The following CUBN variants were observed in gnomAD, a reference collection of about 807,000 sequenced individuals.
The protein encoded by CUBN is cubilin.
A neutral mutation model predicts 405.3 loss-of-function variants in CUBN; 282 were observed. The ratio of observed to expected loss-of-function variants is 0.70; its 90% CI spans 0.63 to 0.77. The LOEUF is 0.77. Ranked by LOEUF, CUBN falls within the 30% of genes least tolerant of loss-of-function variation. CUBN has a pLI of 0.00. For missense variants in CUBN, 4,514 were observed against 4,475.2 expected (o/e 1.01, Z -0.25); for synonymous variants, 1,684 against 1,617.0 (o/e 1.04, Z -0.99).
At position 16,910,241 on chromosome 10, in the gene CUBN, T is replaced by C. The variant is rs187327521; in HGVS notation, c.7534-2562A>G. The stretch of plus-strand genomic sequence containing the variant: ...TTCTCCCTCTTCTTCTTCTCCCTCT[T>C]CTCCTCCTCCTTCTCCTTCTCTTTC... On this transcript the variant is annotated intron_variant, in intron 48 of 66. Coordinates refer to ENST00000377833, the MANE Select transcript of CUBN (RefSeq NM_001081.4). 1.7e-3 allele frequency among the ~76,000 whole-genome samples: 260 copies of C among 151,916 alleles called. 1 individual carries two copies. Among genetic ancestry groups the C allele is most frequent in the Non-Finnish European group, 2.9e-3 (200 of 67,936 alleles).
intron 14 of CUBN, among the ~76,000 whole-genome samples, chr10:17,093,282 C>T (rs1836303698): frequency 6.6e-6 from 1 of 152,126 alleles, no homozygotes; most frequent in Non-Finnish European, 1.5e-5. Flanking sequence ...GTCTAACTAA[C>T]AGAGAACAGT....
Position 16,990,347 on chromosome 10 carries a change from A to G in CUBN, c.4337T>C (p.Phe1446Ser). ...FDVEYHSRCN[F>S]DVLEIYGGPD... ...CTCACTTCCTACCTCCAAGACATCA[A>G]AGTTGCACCTTGAATGATACTCCAC... The change falls in exon 29 of 67, where the codon TTT becomes TCT. Residue 1446 changes from phenylalanine to serine, a missense_variant. Coordinates refer to ENST00000377833, the MANE Select transcript of CUBN (RefSeq NM_001081.4). 1 of 1,614,194 alleles carries G rather than the reference A, an allele frequency of 6.2e-7. No individual in the cohort carries two copies. The highest frequency in any genetic ancestry group is 8.5e-7 in the Non-Finnish European group (1 of 1,180,042).
chr10:17,007,643 G>A (rs1834063831), intron 28 of CUBN, among the ~76,000 whole-genome samples: 1 of 152,060 alleles, frequency 6.6e-6, no homozygotes, highest in South Asian at 2.1e-4. Flanking sequence ...GGGGCAGGGG[G>A]AAGGGATTGC....
Position 17,020,622 on chromosome 10 carries a change from A to C in CUBN, c.4018-639T>G, listed in dbSNP as rs569558088. On this transcript the variant is annotated intron_variant, in intron 27 of 66. Coordinates refer to ENST00000377833, the MANE Select transcript of CUBN (RefSeq NM_001081.4). ...ATTAAATCCAAAAATTTCTCTTGAT[A>C]CTTTTTTCATTTGTATATATGTGTA... Among the ~76,000 whole-genome samples, 58 of 152,280 alleles carry C rather than the reference A, an allele frequency of 3.8e-4. No homozygotes were observed. In the South Asian group the frequency reaches 0.012, roughly 32 times the overall value.
intron 33 of CUBN, 103 bp downstream of exon 33, chr10:16,952,173 C>A: frequency 1.2e-6 from 1 of 801,066 alleles, no homozygotes; most frequent in Admixed American, 1.9e-5. Context: ...AAGAGGAAGG[C>A]CATCGATTGT....
intron 48 of CUBN, 106 bp from the exon 49 acceptor site, chr10:16,907,785 G>A (rs190484620): frequency 1.9e-5 from 21 of 1,131,242 alleles, no homozygotes; most frequent in East Asian, 2.4e-5. Flanking sequence ...TGGGAACCCT[G>A]CCCCAAAATG....
intron 31 of CUBN, among the ~76,000 whole-genome samples, chr10:16,967,898 GGA>G (rs774844972): frequency 1.6e-4 from 17 of 109,040 alleles, no homozygotes; most frequent in South Asian, 3.0e-4. Context: ...AGAGACAGAG[GGA>G]GAGAGAGGGG....
At chr10:16,934,508 A>G (rs1056684755) in intron 39 of CUBN, among the ~76,000 whole-genome samples, 1 of 152,194 alleles carries the variant, frequency 6.6e-6, no homozygotes, top group Non-Finnish European at 1.5e-5. Flanking sequence ...TGAATGCTGA[A>G]TGTTATCCAG....
intron 48 of CUBN, 24 bp downstream of exon 48, chr10:16,913,787 T>G: frequency 6.2e-7 from 1 of 1,612,320 alleles, no homozygotes; most frequent in Non-Finnish European, 8.5e-7. Context: ...GAATATAACA[T>G]CTCAGGCGGC....
At position 17,068,658 on chromosome 10, in the gene CUBN, C is replaced by A. The variant is rs201589187; in HGVS notation, c.2738G>T (p.Ser913Ile). 3.1e-6 allele frequency: 5 copies of A among 1,612,918 alleles called. No homozygotes were observed. The highest frequency in any genetic ancestry group is 1.3e-5 in the African/African-American group (1 of 74,776). ...GAAACCATGGTTTTCAGTAGAAGAA[C>A]TTTTCACGAATGTGACATAAAGAAA... ...YNFLYVTFVKSSSTENHGFMA... is the reference protein window; with the variant it reads ...YNFLYVTFVKISSTENHGFMA... Residue 913 changes from serine to isoleucine, a missense_variant, in exon 20 of 67, where the codon AGT (serine) becomes ATT (isoleucine). Physicochemically the swap from Ser to Ile is moderately radical, Grantham distance 142. This residue lies in a region of CUBN where 1,448 missense variants were observed against 1,388.0 expected (regional missense o/e 1.04). Transcript: ENST00000377833.
chr10:16,888,604 T>G, intron 55 of CUBN, 38 bp from the exon 56 acceptor site: 1 of 1,586,626 alleles, frequency 6.3e-7, no homozygotes, highest in Non-Finnish European at 8.7e-7. Flanking sequence ...GATCATTTAT[T>G]TCTCGTGTAT....
intron 14 of CUBN, among the ~76,000 whole-genome samples, chr10:17,092,528 T>G (rs1280855980): frequency 1.3e-5 from 2 of 152,144 alleles, no homozygotes; most frequent in African/African-American, 4.8e-5. Context: ...TAAAACAGGA[T>G]GCAGTAGAGA....
intron 28 of CUBN, among the ~76,000 whole-genome samples, chr10:17,011,553 A>T (rs192864052): frequency 6.6e-6 from 1 of 152,174 alleles, no homozygotes; most frequent in Non-Finnish European, 1.5e-5. Context: ...ATTTATTGTG[A>T]AGAGTGAGAG....
At chr10:17,093,508 G>C (rs535508220) in intron 14 of CUBN, among the ~76,000 whole-genome samples, 1 of 152,184 alleles carries the variant, frequency 6.6e-6, no homozygotes, top group African/African-American at 2.4e-5. Context: ...TAGGTCCCCT[G>C]TAAATTCAAG....
chr10:16,893,113 C>T (rs2131406050), intron 54 of CUBN, among the ~76,000 whole-genome samples: 1 of 152,270 alleles, frequency 6.6e-6, no homozygotes, highest in Admixed American at 6.5e-5. Flanking sequence ...TGTTACTTAA[C>T]TGTCATCAGG....
chr10:16,988,320 C>A (rs978955178), intron 29 of CUBN, among the ~76,000 whole-genome samples: 1 of 152,144 alleles, frequency 6.6e-6, no homozygotes, highest in African/African-American at 2.4e-5. Flanking sequence ...GCGAGCGAGG[C>A]CATCTGAACA....
chr10:17,127,228 GTC>G (rs1297991101), intron 3 of CUBN, among the ~76,000 whole-genome samples: 1 of 126,930 alleles, frequency 7.9e-6, no homozygotes. Context: ...CTCTCTCTCT[GTC>G]TCTCTCTCTC....
rs369506454 is a variant in CUBN, at chr10:17,018,800, C to T, written c.4168+1033G>A. 1.1e-4 allele frequency among the ~76,000 whole-genome samples: 17 copies of T among 152,240 alleles called. 2 individuals are homozygous for T. The highest frequency in any genetic ancestry group is 2.6e-4 in the Admixed American group (4 of 15,298). ...GACCGCTGATTGGTACATTTACAAA[C>T]CTTTAGCTAGACACAGAGCGCTGAT... On this transcript the variant is annotated intron_variant, in intron 28 of 66. Coordinates refer to ENST00000377833, the MANE Select transcript of CUBN (RefSeq NM_001081.4).
At chr10:17,034,504 C>G (rs187223798) in intron 27 of CUBN, among the ~76,000 whole-genome samples, 2 of 152,270 alleles carry the variant, frequency 1.3e-5, no homozygotes, top group African/African-American at 2.4e-5. Flanking sequence ...AACAGGCTAT[C>G]TTGGTGGAAG....
Sources: allele counts gnomAD v4.1 joint callset (sites outside exome capture counted in the v4.1 genomes callset), GRCh38; gene constraint gnomAD v4.1.1; regional missense constraint gnomAD v4.1.1; transcripts MANE v1.5; gene names NCBI Gene and HGNC (gene_info 2026-07-23, HGNC 2026-07-21).